KDM6A: variants seen among roughly 807,000 people sequenced by gnomAD.
The protein encoded by KDM6A is lysine-specific demethylase 6A.
KDM6A carries 11 observed loss-of-function variants against 117.6 expected under a neutral mutation model. The observed-to-expected ratio is 0.09, with a 90% confidence interval of 0.06 to 0.15. The LOEUF (loss-of-function observed/expected upper bound fraction) is 0.15, where lower values mean the gene tolerates loss of function less well. KDM6A is among the 10% of genes least tolerant of loss of function. KDM6A has a pLI of 1.00. For synonymous variants in KDM6A, 384 were observed against 396.1 expected, an observed-to-expected ratio of 0.97 and a Z score of 0.36; for missense variants, 799 against 1,077.3, an observed-to-expected ratio of 0.74 and a Z score of 3.62.
At chrX:45,041,499 G>T (rs1191711684) in intron 8 of KDM6A, among the ~76,000 whole-genome samples, 1 of 105,770 alleles carries the variant, frequency 9.5e-6, no homozygotes, top group African/African-American at 3.6e-5. Context: ...CCCAGACGGG[G>T]TGGCTGCCGG....
chrX:44,924,996 T>C (rs1346096467), intron 2 of KDM6A, among the ~76,000 whole-genome samples: 1 of 112,163 alleles, frequency 8.9e-6, no homozygotes, highest in Non-Finnish European at 1.9e-5. Context: ...GCCAATAGTT[T>C]ATTTTAAGAA....
At chrX:44,907,694 C>T (rs1443258766) in intron 2 of KDM6A, among the ~76,000 whole-genome samples, 1 of 106,676 alleles carries the variant, frequency 9.4e-6, no homozygotes, top group African/African-American at 3.4e-5. Flanking sequence ...GTGATCCACC[C>T]GTCTTGGCCT....
chrX:45,090,717 TCC>T lies in KDM6A; in HGVS notation c.3893-5_3893-4del. 1 of 1,209,517 alleles carries T rather than the reference TCC, an allele frequency of 8.3e-7. No individual in the cohort carries two copies. Among genetic ancestry groups the T allele is most frequent in the Non-Finnish European group, 1.1e-6 (1 of 894,338 alleles). On this transcript the variant is annotated splice_region_variant and splice_polypyrimidine_tract_variant and intron_variant, in intron 26 of 29. Transcript: ENST00000611820. Reference sequence around the variant, plus strand: ...GTTGCTTTATAACTGTTTTTTTTTTTCCTAGCCTGCCAGTATAAATTGGCAGT... The same window carrying T: ...GTTGCTTTATAACTGTTTTTTTTTTTTAGCCTGCCAGTATAAATTGGCAGT...
chrX:45,083,724 T>G, intron 24 of KDM6A, 116 bp downstream of exon 24: 1 of 678,324 alleles, frequency 1.5e-6, no homozygotes, highest in South Asian at 2.6e-5. Context: ...GAGTTGTTCC[T>G]GTTATAAGAC....
intron 27 of KDM6A, among the ~76,000 whole-genome samples, chrX:45,105,131 GATA>G (rs1230828442): frequency 9.0e-6 from 1 of 111,599 alleles, no homozygotes; most frequent in East Asian, 2.8e-4. Context: ...GGGAGTGGGT[GATA>G]ATAAGATGTG....
At chrX:44,952,533 A>G (rs1265958000) in intron 2 of KDM6A, among the ~76,000 whole-genome samples, 1 of 110,570 alleles carries the variant, frequency 9.0e-6, no homozygotes. Context: ...TCGGCCTCCC[A>G]CCGTGCTGTG....
intron 3 of KDM6A, among the ~76,000 whole-genome samples, chrX:44,964,190 C>G (rs1397919352): frequency 9.2e-6 from 1 of 109,148 alleles, no homozygotes; most frequent in Non-Finnish European, 1.9e-5. Context: ...TGGCTCACGC[C>G]TGTAATCCCA....
chrX:44,948,239 A>G (rs2037777682), intron 2 of KDM6A, among the ~76,000 whole-genome samples: 1 of 111,882 alleles, frequency 8.9e-6, no homozygotes, highest in Admixed American at 9.5e-5. Context: ...TCTGTTTGAA[A>G]GACTTTGGCT....
At chrX:45,080,689 C>A (rs1472997311) in intron 21 of KDM6A, among the ~76,000 whole-genome samples, 1 of 111,958 alleles carries the variant, frequency 8.9e-6, no homozygotes, top group Admixed American at 9.5e-5. Context: ...CAAAGAAATT[C>A]TTCTAATAAA....
chrX:44,911,429 G>T (rs184767555), intron 2 of KDM6A, among the ~76,000 whole-genome samples: 47 of 110,390 alleles, frequency 4.3e-4, no homozygotes, highest in Non-Finnish European at 7.6e-4. Context: ...ATCCCAGACG[G>T]GGCGGCAGGG....
At chrX:45,083,934 C>G (rs1462230623) in intron 24 of KDM6A, among the ~76,000 whole-genome samples, 1 of 111,934 alleles carries the variant, frequency 8.9e-6, no homozygotes, top group Non-Finnish European at 1.9e-5. Flanking sequence ...TTGAATTTTT[C>G]TTTTAACCCA....
intron 5 of KDM6A, among the ~76,000 whole-genome samples, chrX:45,014,185 G>A (rs141967770): frequency 5.0e-4 from 56 of 112,263 alleles, no homozygotes; most frequent in African/African-American, 1.7e-3. Flanking sequence ...TGTGACCAAC[G>A]TGTGTCTGAG....
At chrX:44,910,594 A>G (rs753116532) in intron 2 of KDM6A, among the ~76,000 whole-genome samples, 2 of 107,829 alleles carry the variant, frequency 1.9e-5, no homozygotes, top group South Asian at 8.1e-4. Context: ...GAAGGTCAGC[A>G]GATAAACAAG....
intron 27 of KDM6A, among the ~76,000 whole-genome samples, chrX:45,105,112 T>C (rs2046477916): frequency 9.0e-6 from 1 of 111,488 alleles, no homozygotes; most frequent in South Asian, 3.8e-4. Flanking sequence ...AAGAATCTCA[T>C]CTTCGAGGGG....
intron 7 of KDM6A, 147 bp downstream of exon 7, chrX:45,035,132 A>C: frequency 3.9e-6 from 2 of 512,278 alleles, no homozygotes; most frequent in Non-Finnish European, 6.8e-6. Context: ...TACTTACATA[A>C]ATGGAACCTG....
Position 44,873,575 on chromosome X carries a change from C to G in KDM6A, c.24C>G (p.Leu8=). MKSCGVS[L]ATAAAAAAAF... is the part of the protein sequence containing the mutation. ...CCATGAAATCCTGCGGAGTGTCGCT[C>G]GCTACCGCCGCCGCTGCCGCCGCCG... The change falls in exon 1 of 30, where the codon CTC becomes CTG. Residue 8 remains leucine (L), a synonymous_variant. Coordinates refer to ENST00000611820, the MANE Select transcript of KDM6A (RefSeq NM_001291415.2). 1 of 1,204,092 alleles carries G rather than the reference C, an allele frequency of 8.3e-7. No homozygotes were observed.
intron 27 of KDM6A, 145 bp from the exon 28 acceptor site, chrX:45,107,265 A>G (rs2046565894): frequency 1.8e-6 from 1 of 553,846 alleles, no homozygotes; most frequent in Non-Finnish European, 3.0e-6. Flanking sequence ...ATCTGAGAAT[A>G]TTTGATAAAT....
chrX:44,913,946 T>C (rs931741971), intron 2 of KDM6A, among the ~76,000 whole-genome samples: 17 of 111,279 alleles, frequency 1.5e-4, no homozygotes, highest in Non-Finnish European at 1.1e-4. Flanking sequence ...AAAAAAGTTT[T>C]AAACCAGTAG....
At chrX:44,958,901 A>C (rs989653784) in intron 2 of KDM6A, among the ~76,000 whole-genome samples, 1 of 111,452 alleles carries the variant, frequency 9.0e-6, no homozygotes, top group African/African-American at 3.3e-5. Context: ...CTTTTGAGTA[A>C]AAATATAAAA....
Sources: gnomAD v4.1 joint callset for allele counts (sites outside exome capture counted in the v4.1 genomes callset) on GRCh38, gnomAD v4.1.1 for gene constraint, MANE v1.5 for transcripts, NCBI Gene and HGNC (gene_info 2026-07-23, HGNC 2026-07-21) for gene names.